VGLL4: variants seen among roughly 807,000 people sequenced by gnomAD.
VGLL4 encodes vestigial like family member 4.
VGLL4 carries 7 observed loss-of-function variants against 21.0 expected under a neutral mutation model. The observed-to-expected ratio is 0.33, with a 90% CI of 0.19 to 0.63. VGLL4 has a LOEUF of 0.63. Ranked by LOEUF, VGLL4 falls within the 20% of genes least tolerant of loss-of-function variation. The probability of loss-of-function intolerance (pLI) is 0.78; values close to 1 mark genes in which losing one functional copy is unlikely to be tolerated. For missense variants in VGLL4, 394 were observed against 425.7 expected (o/e 0.93, Z 0.66); for synonymous variants, 222 against 173.2 (o/e 1.28, Z -2.21).
At chr3:11,609,653 G>A (rs1305887654) in intron 1 of VGLL4, among the ~76,000 whole-genome samples, 1 of 152,206 alleles carries the variant, frequency 6.6e-6, no homozygotes, top group Non-Finnish European at 1.5e-5. Flanking sequence ...ACTCTCCCAG[G>A]GATAAGGCGG....
At chr3:11,567,343 G>T (rs148965282) in intron 2 of VGLL4, among the ~76,000 whole-genome samples, 3 of 152,108 alleles carry the variant, frequency 2.0e-5, no homozygotes, top group Non-Finnish European at 4.4e-5. Flanking sequence ...TGATTATAGG[G>T]TGATTAGCTG....
At chr3:11,573,585 CTGTG>C (rs1414124257) in intron 2 of VGLL4, among the ~76,000 whole-genome samples, 8 of 152,198 alleles carry the variant, frequency 5.3e-5, no homozygotes, top group Admixed American at 1.3e-4. Flanking sequence ...ACTGCTGCTG[CTGTG>C]TATCCTCGGT....
At position 11,643,458 on chromosome 3, in the gene VGLL4, T is replaced by C. The variant is rs1409721246; in HGVS notation, c.61A>G (p.Ile21Val). Residue 21 changes from isoleucine (I) to valine (V), a missense_variant, in exon 1 of 5, where the codon ATC (isoleucine) becomes GTC (valine). Ile to Val is a conservative substitution (Grantham distance 29). Coordinates refer to ENST00000430365, the MANE Select transcript of VGLL4 (RefSeq NM_001128219.3). The stretch of plus-strand genomic sequence containing the variant: ...CTACCTTCGTAGCACAGAATGCCGA[T>C]ATTGTTGTTCATCTTGTCCAAGTAC... ...YQYLDKMNNNIGILCYEGEAA... is the reference protein window; with the variant it reads ...YQYLDKMNNNVGILCYEGEAA... 1 of 1,613,908 alleles carries C rather than the reference T, an allele frequency of 6.2e-7. No homozygotes were observed. The highest frequency in any genetic ancestry group is 1.3e-5 in the African/African-American group (1 of 74,922).
chr3:11,675,997 T>G (rs2076283011), intron 2 of VGLL4, among the ~76,000 whole-genome samples: 1 of 152,190 alleles, frequency 6.6e-6, no homozygotes, highest in Non-Finnish European at 1.5e-5. Flanking sequence ...TTCTTTACTC[T>G]CACTTTATCT....
chr3:11,598,031 CTT>C (rs35133405), intron 2 of VGLL4, among the ~76,000 whole-genome samples: 1 of 151,056 alleles, frequency 6.6e-6, no homozygotes, highest in Non-Finnish European at 1.5e-5. Context: ...TCTCTGTTGC[CTT>C]TTTTTTTTAT....
At chr3:11,625,716 CA>C (rs1400488490) in intron 1 of VGLL4, among the ~76,000 whole-genome samples, 2 of 86,674 alleles carry the variant, frequency 2.3e-5, no homozygotes, top group Admixed American at 1.2e-4. Context: ...TCTTTAAAAA[CA>C]TTTTTTTTTT....
intron 1 of VGLL4, among the ~76,000 whole-genome samples, chr3:11,613,438 T>G (rs1404755030): frequency 6.6e-6 from 1 of 152,122 alleles, no homozygotes; most frequent in African/African-American, 2.4e-5. Context: ...CTTTCCCTCT[T>G]CTGATCTCCC....
At chr3:11,646,789 G>C (rs1341969090), upstream of VGLL4, among the ~76,000 whole-genome samples, 1 of 152,106 alleles carries the variant, frequency 6.6e-6, no homozygotes, top group Non-Finnish European at 1.5e-5. Flanking sequence ...CTTGACTATT[G>C]TAACATTCCC....
chr3:11,719,528 AC>A lies in VGLL4; in HGVS notation c.-14+865del, dbSNP rs2076964464. On this transcript the variant is annotated intron_variant, in intron 1 of 5. Transcript: ENST00000273038. The surrounding 1 kb of genome is among the most constrained non-coding windows in gnomAD (Gnocchi z 4.0). Reference sequence around the variant, plus strand: ...GCGCACCCCGAGGGCGCGCAGACGCACAGGCGGGCTCGCGCCCGAGCCCCCG... The same window carrying A: ...GCGCACCCCGAGGGCGCGCAGACGCAAGGCGGGCTCGCGCCCGAGCCCCCG... The A allele has an allele frequency of 6.7e-6, 1 of 150,036 alleles. No homozygotes were observed. The highest frequency in any genetic ancestry group is 2.4e-5 in the African/African-American group (1 of 41,268). The allele number at this position is 150,036 out of a possible 1,614,324, so 9.3% of individuals were successfully genotyped here. A position where few individuals can be genotyped will look rare whatever the true frequency, so the allele number is the denominator to read the frequency against.
In VGLL4 at chr3:11,616,866, T is replaced by C. The variant is rs1338862449; in HGVS notation, c.83-14844A>G. Among the ~76,000 whole-genome samples the C allele has an allele frequency of 2.0e-5, 3 of 152,140 alleles. No homozygotes were observed. The East Asian group carries it at 5.8e-4, about 29-fold the overall frequency. ...GATAAGTTATGGAGATAAAGAACTGTAAGGATGGAACATTATAAATGCCAA... is the reference window on the plus strand; with the variant it reads ...GATAAGTTATGGAGATAAAGAACTGCAAGGATGGAACATTATAAATGCCAA... On this transcript the variant is annotated intron_variant, in intron 1 of 4. Transcript: ENST00000430365.
intron 2 of VGLL4, among the ~76,000 whole-genome samples, chr3:11,596,198 A>G (rs917869802): frequency 1.3e-5 from 2 of 152,104 alleles, no homozygotes; most frequent in African/African-American, 4.8e-5. Flanking sequence ...TATCTTACAT[A>G]CTCAAAAAAT....
In VGLL4 at chr3:11,619,030, T is replaced by C. The variant is rs939098254; in HGVS notation, c.83-17008A>G. ...AATCAACCATTGTGCTCAGAAAAGTTGTGGCCGTTTCTGGGCCTACTTCAG... is the reference window on the plus strand; with the variant it reads ...AATCAACCATTGTGCTCAGAAAAGTCGTGGCCGTTTCTGGGCCTACTTCAG... On this transcript the variant is annotated intron_variant, in intron 1 of 4. Coordinates refer to ENST00000430365, the MANE Select transcript of VGLL4 (RefSeq NM_001128219.3). 2.5e-4 allele frequency among the ~76,000 whole-genome samples: 38 copies of C among 152,248 alleles called. 1 individual carries two copies. The highest frequency in any genetic ancestry group is 2.9e-5 in the Non-Finnish European group (2 of 68,048).
chr3:11,558,898 C>A lies in VGLL4; in HGVS notation c.620-71G>T. On this transcript the variant is annotated intron_variant, in intron 4 of 4. Transcript: ENST00000430365. ...GACAGACAGGCACGGTTGCAGCACC[C>A]TCCCTCAGGCAGCCCAGAGCCGGAC... The A allele has an allele frequency of 1.9e-6, 3 of 1,548,578 alleles. 1 individual carries two copies. In the South Asian group the frequency reaches 3.5e-5, roughly 18 times the overall value.
chr3:11,678,156 G>A (rs1375801606), intron 2 of VGLL4, among the ~76,000 whole-genome samples: 1 of 152,118 alleles, frequency 6.6e-6, no homozygotes, highest in African/African-American at 2.4e-5. Context: ...CTGGGTTCAA[G>A]TGATTCTGGT....
In VGLL4 at chr3:11,653,492, A is replaced by T. The variant is rs866885748; in HGVS notation, c.64+49479T>A. On this transcript the variant is annotated intron_variant, in intron 2 of 5. Transcript: ENST00000273038. The surrounding 1 kb of genome is among the most constrained non-coding windows in gnomAD (Gnocchi z 4.2). ...GCATTCATTTGCATTGCTGTCTAGT[A>T]CTCCATTACTCCAATATATCGCAGA... Among the ~76,000 whole-genome samples, 2 of 152,006 alleles carry T rather than the reference A, an allele frequency of 1.3e-5. No individual in the cohort carries two copies. Among genetic ancestry groups the T allele is most frequent in the Admixed American group, 6.6e-5 (1 of 15,248 alleles).
intron 1 of VGLL4, among the ~76,000 whole-genome samples, chr3:11,605,416 C>A (rs937372768): frequency 6.6e-6 from 1 of 151,280 alleles, no homozygotes; most frequent in Non-Finnish European, 1.5e-5. Context: ...ATTCGAAACC[C>A]CAACTGCCTT....
At chr3:11,708,593 C>T (rs977515855) in intron 1 of VGLL4, among the ~76,000 whole-genome samples, 1 of 151,880 alleles carries the variant, frequency 6.6e-6, no homozygotes, top group Non-Finnish European at 1.5e-5. Context: ...CTGGAATGGC[C>T]CGAAAAGCTT....
chr3:11,678,286 C>T (rs903071088), intron 2 of VGLL4, among the ~76,000 whole-genome samples: 5 of 152,112 alleles, frequency 3.3e-5, no homozygotes, highest in African/African-American at 1.2e-4. Context: ...AAACTCCTGA[C>T]CTAAAATGAT....
intron 2 of VGLL4, among the ~76,000 whole-genome samples, chr3:11,583,625 G>A (rs1054657262): frequency 3.9e-5 from 6 of 152,178 alleles, no homozygotes; most frequent in African/African-American, 1.4e-4. Flanking sequence ...GAGAAAAAGA[G>A]GACAAAAAAA....
Sources: allele counts gnomAD v4.1 joint callset (sites outside exome capture counted in the v4.1 genomes callset), GRCh38; gene constraint gnomAD v4.1.1; non-coding constraint Gnocchi (gnomAD v3.1); transcripts MANE v1.5; gene names NCBI Gene and HGNC (gene_info 2026-07-23, HGNC 2026-07-21).